Variants in TFEB observed in about 807,000 individuals in gnomAD.
TFEB encodes T-cell transcription factor EB.
A neutral mutation model predicts 48.0 loss-of-function variants in TFEB; 12 were observed. The ratio of observed to expected loss-of-function variants is 0.25; its 90% CI spans 0.16 to 0.40. The LOEUF is 0.40. Among genes scored for constraint, TFEB ranks in the 10% least tolerant of loss-of-function variants. TFEB has a pLI of 1.00. For synonymous variants in TFEB, 244 were observed against 261.4 expected (o/e 0.93, Z 0.64); for missense variants, 509 against 640.3 (o/e 0.79, Z 2.21).
intron 1 of TFEB, among the ~76,000 whole-genome samples, chr6:41,707,937 C>T (rs1387021230): frequency 1.3e-5 from 2 of 152,240 alleles, no homozygotes; most frequent in Non-Finnish European, 2.9e-5. Flanking sequence ...AAAACCACTA[C>T]AATCACAGCC....
At chr6:41,728,794 G>A (rs948630771) in intron 1 of TFEB, among the ~76,000 whole-genome samples, 1 of 152,150 alleles carries the variant, frequency 6.6e-6, no homozygotes, top group African/African-American at 2.4e-5. Context: ...AGACAGGGCA[G>A]AGGCAGAGGG....
chr6:41,734,793 T>G lies in TFEB; in HGVS notation c.-23+557A>C. ...ACGGGAAGGGAGGGAGAGATGGTACTTCCACCCGCCCCCCCATCAGCCCAG... is the reference window on the plus strand; with the variant it reads ...ACGGGAAGGGAGGGAGAGATGGTACGTCCACCCGCCCCCCCATCAGCCCAG... On this transcript the variant is annotated intron_variant, in intron 1 of 8. Coordinates refer to ENST00000373033, the MANE Select transcript of TFEB (RefSeq NM_001271944.2). This position sits in a 1 kb window ranked among gnomAD's most constrained non-coding sequence, Gnocchi z 4.0. The G allele has an allele frequency of 2.7e-6, 2 of 752,128 alleles. No individual in the cohort carries two copies. Among genetic ancestry groups the G allele is most frequent in the Non-Finnish European group, 3.2e-6 (2 of 616,622 alleles). 46.6% of individuals were successfully genotyped at this position (752,128 alleles called of 1,614,324 possible). A position where few individuals can be genotyped will look rare whatever the true frequency, so the allele number is the denominator to read the frequency against.
Position 41,734,951 on chromosome 6 carries a change from G to A in TFEB, c.-23+399C>T, listed in dbSNP as rs553280041. The A allele has an allele frequency of 1.0e-6, 1 of 985,360 alleles. No individual in the cohort carries two copies. The highest frequency in any genetic ancestry group is 1.7e-5 in the African/African-American group (1 of 57,222). The allele number at this position is 985,360 out of a possible 1,614,324, so 61.0% of individuals were successfully genotyped here. A position where few individuals can be genotyped will look rare whatever the true frequency, so the allele number is the denominator to read the frequency against. ...GCCCCAGCCGTGTCCGGTGGAGGGG[G>A]AGTGGGCGCGGGGCCCGCGCGTCCC... is the stretch of plus-strand genomic sequence containing the variant. On this transcript the variant is annotated intron_variant, in intron 1 of 8. Transcript: ENST00000373033. This position sits in a 1 kb window ranked among gnomAD's most constrained non-coding sequence, Gnocchi z 4.0.
intron 1 of TFEB, among the ~76,000 whole-genome samples, chr6:41,695,453 T>C (rs1006193298): frequency 5.9e-5 from 9 of 152,190 alleles, no homozygotes; most frequent in African/African-American, 2.4e-5. Context: ...TTTCCTAATG[T>C]TAATTCTGTT....
chr6:41,692,037 A>G (rs1424053118), intron 1 of TFEB, among the ~76,000 whole-genome samples: 1 of 152,014 alleles, frequency 6.6e-6, no homozygotes, highest in African/African-American at 2.4e-5. Context: ...CCAAGGCTCA[A>G]ATGTTACCTT....
chr6:41,717,646 A>G (rs1770796206), intron 1 of TFEB, among the ~76,000 whole-genome samples: 1 of 152,222 alleles, frequency 6.6e-6, no homozygotes, highest in Non-Finnish European at 1.5e-5. Context: ...AATGCCCAGA[A>G]GGAAACAGAC....
At chr6:41,706,269 G>A (rs572289976) in intron 1 of TFEB, among the ~76,000 whole-genome samples, 1 of 152,178 alleles carries the variant, frequency 6.6e-6, no homozygotes, top group Non-Finnish European at 1.5e-5. Context: ...GCAGGGAGGT[G>A]GGGGGCAGAA....
intron 1 of TFEB, among the ~76,000 whole-genome samples, chr6:41,715,275 G>A (rs1467590855): frequency 6.6e-6 from 1 of 152,110 alleles, no homozygotes; most frequent in Non-Finnish European, 1.5e-5. Flanking sequence ...CACAGCCCTG[G>A]CCCTCCCAAC....
chr6:41,700,164 T>C (rs1769820739), intron 1 of TFEB, among the ~76,000 whole-genome samples: 1 of 152,124 alleles, frequency 6.6e-6, no homozygotes, highest in Non-Finnish European at 1.5e-5. Context: ...TTGTGATGAA[T>C]AAAGATCAAG....
In TFEB at chr6:41,723,508, C is replaced by T. The variant is rs1377906391; in HGVS notation, c.-23+11842G>A. 1 of 1,289,038 alleles carries T rather than the reference C, an allele frequency of 7.8e-7. No individual in the cohort carries two copies. The highest frequency in any genetic ancestry group is 2.2e-4 in the Middle Eastern group (1 of 4,610). 79.9% of individuals were successfully genotyped at this position (1,289,038 alleles called of 1,614,324 possible). A position where few individuals can be genotyped will look rare whatever the true frequency, so the allele number is the denominator to read the frequency against. ...AAGGAGGCCCCTGGAATGCTCAGCT[C>T]CTCCAGGGGCCGGAGCCCAGGGCCG... is the stretch of plus-strand genomic sequence containing the variant. On this transcript the variant is annotated intron_variant, in intron 1 of 8. Transcript: ENST00000373033. This position sits in a 1 kb window ranked among gnomAD's most constrained non-coding sequence, Gnocchi z 6.0.
rs548103315 is a variant in TFEB at position 41,714,195 on chromosome 6, A to G, written c.-23+21155T>C. 3.4e-5 allele frequency among the ~76,000 whole-genome samples: 5 copies of G among 149,168 alleles called. No individual in the cohort carries two copies. The South Asian group carries it at 8.4e-4, about 25-fold the overall frequency. The stretch of plus-strand genomic sequence containing the variant: ...TGTGCGTGTGTGTGCATGTGCATGC[A>G]TGTGCGTGCATGTGCGTGCGTGTCT... On this transcript the variant is annotated intron_variant, in intron 1 of 8. Transcript: ENST00000373033.
chr6:41,716,269 C>T (rs1770729905), intron 1 of TFEB, among the ~76,000 whole-genome samples: 1 of 152,224 alleles, frequency 6.6e-6, no homozygotes, highest in African/African-American at 2.4e-5. Flanking sequence ...AGTCTCACCC[C>T]AGTGGTACAC....
chr6:41,711,513 T>C (rs1770474240), intron 1 of TFEB, among the ~76,000 whole-genome samples: 1 of 152,110 alleles, frequency 6.6e-6, no homozygotes, highest in African/African-American at 2.4e-5. Flanking sequence ...AGCATCTCTC[T>C]TCCCTGCCTG....
intron 1 of TFEB, 122 bp downstream of exon 1, chr6:41,735,228 C>T (rs866063557): frequency 3.9e-5 from 36 of 925,048 alleles, no homozygotes; most frequent in Middle Eastern, 5.4e-4. Context: ...GTCCTGCTTC[C>T]CTCTCCTGCC....
rs940663166 is a variant in TFEB at position 41,722,092 on chromosome 6, G to C, written c.-23+13258C>G. Reference sequence around the variant, plus strand: ...CCTCCTGGGTTCAAGCGATTCTCCTGCTTCAGCCACCCAAGTAGCTGGGAT... The same window carrying C: ...CCTCCTGGGTTCAAGCGATTCTCCTCCTTCAGCCACCCAAGTAGCTGGGAT... On this transcript the variant is annotated intron_variant, in intron 1 of 8. Transcript: ENST00000373033. Among the ~76,000 whole-genome samples, 4 of 152,288 alleles carry C rather than the reference G, an allele frequency of 2.6e-5. No homozygotes were observed. In the East Asian group the frequency reaches 7.7e-4, roughly 29 times the overall value.
chr6:41,694,744 G>C (rs574493458), intron 1 of TFEB, among the ~76,000 whole-genome samples: 1 of 152,096 alleles, frequency 6.6e-6, no homozygotes, highest in Non-Finnish European at 1.5e-5. Context: ...TGGCCCTTCA[G>C]ACCCACCATG....
intron 1 of TFEB, among the ~76,000 whole-genome samples, chr6:41,696,001 C>A (rs1769560376): frequency 6.6e-6 from 1 of 152,184 alleles, no homozygotes; most frequent in African/African-American, 2.4e-5. Flanking sequence ...GGTGAGGACA[C>A]CGAGTGGCCA....
chr6:41,704,536 T>A (rs1389557768), intron 1 of TFEB, among the ~76,000 whole-genome samples: 1 of 152,204 alleles, frequency 6.6e-6, no homozygotes, highest in Non-Finnish European at 1.5e-5. Flanking sequence ...GGGCCTTAGA[T>A]GGGAGAGGGC....
At chr6:41,713,009 A>G (rs1236805739) in intron 1 of TFEB, among the ~76,000 whole-genome samples, 3 of 152,132 alleles carry the variant, frequency 2.0e-5, no homozygotes, top group Admixed American at 6.5e-5. Flanking sequence ...TTTTGGACCT[A>G]TTACGTAATC....
Sources: allele counts gnomAD v4.1 joint callset (sites outside exome capture counted in the v4.1 genomes callset), GRCh38; gene constraint gnomAD v4.1.1; non-coding constraint Gnocchi (gnomAD v3.1); transcripts MANE v1.5; gene names NCBI Gene and HGNC (gene_info 2026-07-23, HGNC 2026-07-21).